THRB: variants seen among roughly 807,000 people sequenced by gnomAD.
The protein encoded by THRB is nuclear receptor subfamily 1 group A member 2.
A neutral mutation model predicts 47.8 loss-of-function variants in THRB; 12 were observed. That is an observed-to-expected ratio of 0.25 (90% CI 0.16 to 0.41). The LOEUF (loss-of-function observed/expected upper bound fraction) is 0.41, where lower values mean the gene tolerates loss of function less well. Ranked by LOEUF, THRB falls within the 10% of genes least tolerant of loss-of-function variation. The pLI is 1.00. For synonymous variants in THRB, 218 were observed against 212.2 expected (o/e 1.03, Z -0.24); for missense variants, 348 against 589.2 (o/e 0.59, Z 4.24).
chr3:24,407,165 G>C (rs73825637), intron 1 of THRB, among the ~76,000 whole-genome samples: 6 of 151,784 alleles, frequency 4.0e-5, no homozygotes, highest in Admixed American at 3.3e-4. Context: ...TATGAAAAAC[G>C]TGTCCTCTAG....
At chr3:24,133,695 A>AAG (rs10652016) in intron 8 of THRB, among the ~76,000 whole-genome samples, 21,399 of 149,970 alleles carry the variant, frequency 0.14, 1,593 homozygotes, top group African/African-American at 0.22. Context: ...TTGCTGCAGA[A>AAG]AGAGAGAGAG....
chr3:24,495,277 G>A (rs1253316022), upstream of THRB: 1 of 56,792 alleles, frequency 1.8e-5, no homozygotes, highest in Non-Finnish European at 3.4e-5. Context: ...GGCGCAGCGA[G>A]GAAATGGCCT....
intron 8 of THRB, among the ~76,000 whole-genome samples, chr3:24,135,025 T>G (rs1370506390): frequency 6.6e-6 from 1 of 152,142 alleles, no homozygotes; most frequent in Non-Finnish European, 1.5e-5. Flanking sequence ...CCATCCCCAG[T>G]GTATTTGATT....
chr3:24,210,434 G>A (rs770567487), intron 4 of THRB, among the ~76,000 whole-genome samples: 18 of 151,952 alleles, frequency 1.2e-4, no homozygotes, highest in Middle Eastern at 3.4e-3. Context: ...CTTCTGTGGG[G>A]CATAGCTGGC....
At chr3:24,244,775 C>T (rs1232900507) in intron 3 of THRB, among the ~76,000 whole-genome samples, 1 of 152,196 alleles carries the variant, frequency 6.6e-6, no homozygotes, top group African/African-American at 2.4e-5. Context: ...GTGAATCTTC[C>T]TCCCGAGAAC....
intron 5 of THRB, among the ~76,000 whole-genome samples, chr3:24,157,864 A>G (rs151170434): frequency 4.5e-4 from 68 of 152,322 alleles, no homozygotes; most frequent in African/African-American, 1.5e-3. Context: ...GTTTGGGCAT[A>G]GTATAGTTTA....
chr3:24,408,585 A>G (rs1433434079), intron 1 of THRB, among the ~76,000 whole-genome samples: 1 of 151,860 alleles, frequency 6.6e-6, no homozygotes, highest in African/African-American at 2.4e-5. Flanking sequence ...TGCTAACAGA[A>G]ACCCAAGCAT....
chr3:24,402,693 C>T (rs2150096477), intron 1 of THRB, among the ~76,000 whole-genome samples: 1 of 151,988 alleles, frequency 6.6e-6, no homozygotes, highest in Middle Eastern at 3.4e-3. Context: ...TAACTAATTA[C>T]CTATCATTAA....
At chr3:24,147,686 G>C (rs912303289) in intron 6 of THRB, among the ~76,000 whole-genome samples, 11 of 152,318 alleles carry the variant, frequency 7.2e-5, no homozygotes, top group African/African-American at 2.6e-4. Context: ...ACTGTCATCT[G>C]TATTGTAGAA....
chr3:24,363,995 T>C (rs970691510), intron 1 of THRB, among the ~76,000 whole-genome samples: 35 of 152,160 alleles, frequency 2.3e-4, no homozygotes, highest in African/African-American at 8.2e-4. Context: ...TGAGAAGTAA[T>C]ACAAGGTTCA....
intron 10 of THRB, among the ~76,000 whole-genome samples, chr3:24,124,683 C>G (rs1037955121): frequency 6.6e-6 from 1 of 152,112 alleles, no homozygotes; most frequent in South Asian, 2.1e-4. Context: ...CATTTTTTCT[C>G]TTTGCACTGT....
At chr3:24,290,660 A>G (rs562140224) in intron 3 of THRB, among the ~76,000 whole-genome samples, 38 of 152,292 alleles carry the variant, frequency 2.5e-4, no homozygotes, top group African/African-American at 9.1e-4. Context: ...AGGGGAAGAA[A>G]TGTATTTTTC....
chr3:24,308,304 C>T (rs910253149), intron 2 of THRB, among the ~76,000 whole-genome samples: 4 of 152,074 alleles, frequency 2.6e-5, no homozygotes, highest in African/African-American at 9.7e-5. Flanking sequence ...ATAACTACTA[C>T]CAAAGTGCAG....
At chr3:24,368,073 T>A (rs2064614263) in intron 1 of THRB, among the ~76,000 whole-genome samples, 1 of 152,162 alleles carries the variant, frequency 6.6e-6, no homozygotes, top group African/African-American at 2.4e-5. Context: ...ACAATGCTAC[T>A]TAACATATGT....
intron 3 of THRB, among the ~76,000 whole-genome samples, chr3:24,286,303 CT>C (rs956742315): frequency 3.3e-5 from 5 of 152,180 alleles, no homozygotes; most frequent in Admixed American, 2.6e-4. Flanking sequence ...TACCAACATG[CT>C]TTCATAAAAC....
At chr3:24,482,247 C>T (rs368185694) in intron 1 of THRB, among the ~76,000 whole-genome samples, 57 of 152,330 alleles carry the variant, frequency 3.7e-4, no homozygotes, top group African/African-American at 1.3e-3. Context: ...ATTGAGCACT[C>T]ACCAGGTACT....
chr3:24,386,870 C>T (rs2066163574), intron 1 of THRB, among the ~76,000 whole-genome samples: 1 of 152,148 alleles, frequency 6.6e-6, no homozygotes, highest in African/African-American at 2.4e-5. Context: ...CTCTATATTG[C>T]AGGGTTGTGG....
chr3:24,233,593 A>AAG lies in THRB; in HGVS notation c.-42-4594_-42-4593dup, dbSNP rs1185000964. Among the ~76,000 whole-genome samples, 4 of 148,086 alleles carry AAG rather than the reference A, an allele frequency of 2.7e-5. 1 individual carries two copies. ...AAAGAAAGAAAGAAAGAAAGAAAGA[A>AAG]AGAAAGAAAGAAAGAAAGAAAGAGA... On this transcript the variant is annotated intron_variant, in intron 3 of 10. Coordinates refer to ENST00000646209, the MANE Select transcript of THRB (RefSeq NM_001354712.2).
chr3:24,255,335 T>C (rs189762455), intron 3 of THRB, among the ~76,000 whole-genome samples: 106 of 152,272 alleles, frequency 7.0e-4, no homozygotes, highest in Non-Finnish European at 1.2e-3. Context: ...AAAACAAAAA[T>C]AACATGTATA....
Sources: allele counts gnomAD v4.1 joint callset (sites outside exome capture counted in the v4.1 genomes callset), GRCh38; gene constraint gnomAD v4.1.1; transcripts MANE v1.5; gene names NCBI Gene and HGNC (gene_info 2026-07-23, HGNC 2026-07-21).